Variants in EGFR observed in about 807,000 individuals in gnomAD.
EGFR encodes avian erythroblastic leukemia viral (v-erb-b) oncogene homolog.
In EGFR, 58 loss-of-function variants were observed where a neutral mutation model predicts 143.0. That is an observed-to-expected ratio of 0.41 (90% CI 0.33 to 0.50). The LOEUF (loss-of-function observed/expected upper bound fraction) is 0.50. EGFR is among the 20% of genes least tolerant of loss of function. The pLI is 0.39. For synonymous variants in EGFR, 613 were observed against 594.4 expected (o/e 1.03, Z -0.45); for missense variants, 1,307 against 1,579.0 (o/e 0.83, Z 2.92).
chr7:55,165,564 T>A, intron 15 of EGFR, 127 bp downstream of exon 15: 1 of 1,329,610 alleles, frequency 7.5e-7, no homozygotes, highest in Non-Finnish European at 1.0e-6. Flanking sequence ...TAAGGTGTTT[T>A]GGTCCCCACA....
At chr7:55,055,445 A>G (rs17289085) in intron 1 of EGFR, among the ~76,000 whole-genome samples, 135 of 152,178 alleles carry the variant, frequency 8.9e-4, no homozygotes, top group Non-Finnish European at 1.7e-3. Context: ...GGCTTTCTCT[A>G]TCTAAAGTTC....
intron 1 of EGFR, among the ~76,000 whole-genome samples, chr7:55,117,859 C>A (rs760375912): frequency 5.9e-5 from 9 of 152,032 alleles, no homozygotes; most frequent in Non-Finnish European, 1.2e-4. Flanking sequence ...ATTTCCTAGG[C>A]CAAAACACTG....
At chr7:55,175,335 C>A (rs187359376) in intron 19 of EGFR, among the ~76,000 whole-genome samples, 1 of 152,342 alleles carries the variant, frequency 6.6e-6, no homozygotes, top group East Asian at 1.9e-4. Flanking sequence ...TGCCCACCTT[C>A]TGTACTTTCT....
At chr7:55,097,396 T>C (rs532495570) in intron 1 of EGFR, among the ~76,000 whole-genome samples, 1 of 152,290 alleles carries the variant, frequency 6.6e-6, no homozygotes, top group South Asian at 2.1e-4. Context: ...CCAGTGTTTT[T>C]TAATAGGAAA....
intron 18 of EGFR, among the ~76,000 whole-genome samples, chr7:55,174,346 A>C (rs1786495602): frequency 6.6e-6 from 1 of 152,262 alleles, no homozygotes; most frequent in Admixed American, 6.5e-5. Context: ...GCACGGCATC[A>C]GAATGCAGCC....
chr7:55,202,820 G>T (rs909476082), intron 27 of EGFR, 195 bp downstream of exon 27: 1 of 704,170 alleles, frequency 1.4e-6, no homozygotes, highest in African/African-American at 1.7e-5. Context: ...TCTTTGTTGT[G>T]TCTGGTTGTT....
At chr7:55,118,675 A>G (rs1793017782) in intron 1 of EGFR, among the ~76,000 whole-genome samples, 1 of 152,148 alleles carries the variant, frequency 6.6e-6, no homozygotes, top group Non-Finnish European at 1.5e-5. Flanking sequence ...TCACTAAGTC[A>G]TTCAGAGCCA....
chr7:55,084,193 G>T (rs7780270), intron 1 of EGFR, among the ~76,000 whole-genome samples: 80,278 of 152,076 alleles, frequency 0.53, 21,943 homozygotes, highest in East Asian at 0.92. Flanking sequence ...TCAGGGTCTG[G>T]GTTCTCAGGG....
At chr7:55,073,119 T>C (rs1789929574) in intron 1 of EGFR, among the ~76,000 whole-genome samples, 1 of 152,234 alleles carries the variant, frequency 6.6e-6, no homozygotes, top group South Asian at 2.1e-4. Context: ...TTCTCACTCA[T>C]TGTTTCTGCT....
intron 1 of EGFR, among the ~76,000 whole-genome samples, chr7:55,087,292 A>AT (rs1790828552): frequency 1.3e-5 from 2 of 151,652 alleles, no homozygotes; most frequent in African/African-American, 4.8e-5. Flanking sequence ...AACAAAAAAA[A>AT]AAAAACCTGT....
At position 55,166,742 on chromosome 7, in the gene EGFR, T is replaced by C. The variant is rs1327934892; in HGVS notation, c.1880+1305T>C. On this transcript the variant is annotated intron_variant, in intron 15 of 27. Transcript: ENST00000275493. ...GTGGGAGTCACAATGGTGGTAGTGA[T>C]GATGGTGTTGATGGTGGTGAGGAGG... Among the ~76,000 whole-genome samples the C allele has an allele frequency of 1.5e-5, 2 of 137,002 alleles. 1 individual carries two copies. Among genetic ancestry groups the C allele is most frequent in the Non-Finnish European group, 3.1e-5 (2 of 64,998 alleles). 89.9% of individuals were successfully genotyped at this position (137,002 alleles called of 152,430 possible).
At chr7:55,158,066 T>G (rs1785518034) in intron 11 of EGFR, among the ~76,000 whole-genome samples, 1 of 152,244 alleles carries the variant, frequency 6.6e-6, no homozygotes, top group African/African-American at 2.4e-5. Context: ...GTGTCTTTCC[T>G]TGTCTTTCAC....
At position 55,061,649 on chromosome 7, in the gene EGFR, T is replaced by TGTGTGA. The variant is rs1432070752; in HGVS notation, c.88+42285_88+42286insTGTGAG. On this transcript the variant is annotated intron_variant, in intron 1 of 27. Coordinates refer to ENST00000275493, the MANE Select transcript of EGFR (RefSeq NM_005228.5). ...GTGTGTGTGTGTGTGTGTGTGTGTG[T>TGTGTGA]GAGAGAGAGAGAGAGAGAGAGAGAC... Among the ~76,000 whole-genome samples the TGTGTGA allele has an allele frequency of 8.7e-3, 1,155 of 132,766 alleles. 10 individuals are homozygous for TGTGTGA. Among genetic ancestry groups the TGTGTGA allele is most frequent in the Admixed American group, 0.03 (395 of 13,048 alleles). 87.1% of individuals were successfully genotyped at this position (132,766 alleles called of 152,430 possible). A position where few individuals can be genotyped will look rare whatever the true frequency, so the allele number is the denominator to read the frequency against.
chr7:55,148,401 TG>T (rs1794878478), intron 4 of EGFR, among the ~76,000 whole-genome samples: 1 of 151,884 alleles, frequency 6.6e-6, no homozygotes, highest in Non-Finnish European at 1.5e-5. Flanking sequence ...GAGAAAGTGC[TG>T]GAAAGGGGAA....
intron 1 of EGFR, among the ~76,000 whole-genome samples, chr7:55,115,393 C>T (rs1481072229): frequency 6.6e-6 from 1 of 152,172 alleles, no homozygotes; most frequent in Non-Finnish European, 1.5e-5. Flanking sequence ...AAGCACATTG[C>T]CTACACAAAC....
intron 3 of EGFR, among the ~76,000 whole-genome samples, chr7:55,145,249 C>CT (rs745390639): frequency 6.6e-6 from 1 of 152,236 alleles, no homozygotes; most frequent in Non-Finnish European, 1.5e-5. Flanking sequence ...GTTGTCCGAG[C>CT]TGCCACAGCA....
rs1457833223 is a variant in EGFR, at chr7:55,020,720, A to G, written c.88+1355A>G. 2.0e-5 allele frequency among the ~76,000 whole-genome samples: 3 copies of G among 151,888 alleles called. No homozygotes were observed. In the East Asian group the frequency reaches 5.8e-4, roughly 29 times the overall value. Reference sequence around the variant, plus strand: ...ATGCCTTGGAAGGTTTAATTGCACAATTCCAACCTTGAGCTGCGCGGGTTC... The same window carrying G: ...ATGCCTTGGAAGGTTTAATTGCACAGTTCCAACCTTGAGCTGCGCGGGTTC... On this transcript the variant is annotated intron_variant, in intron 1 of 27. Transcript: ENST00000275493.
chr7:55,123,704 C>T (rs2128915439), intron 1 of EGFR, among the ~76,000 whole-genome samples: 1 of 152,050 alleles, frequency 6.6e-6, no homozygotes, highest in Non-Finnish European at 1.5e-5. Context: ...AATTCAAATC[C>T]CAGTGGCAGT....
At chr7:55,040,050 C>T (rs1787812339) in intron 1 of EGFR, among the ~76,000 whole-genome samples, 1 of 152,234 alleles carries the variant, frequency 6.6e-6, no homozygotes. Flanking sequence ...CCGCATGTGT[C>T]CCGGTTTGAA....
Sources: gnomAD v4.1 joint callset for allele counts (sites outside exome capture counted in the v4.1 genomes callset) on GRCh38, gnomAD v4.1.1 for gene constraint, MANE v1.5 for transcripts, NCBI Gene and HGNC (gene_info 2026-07-23, HGNC 2026-07-21) for gene names.